MACF1: variants seen among roughly 807,000 people sequenced by gnomAD.
The protein encoded by MACF1 is microtubule actin crosslinking factor 1.
Under a neutral mutation model 854.8 loss-of-function variants are expected in MACF1, and 193 were observed. The ratio of observed to expected loss-of-function variants is 0.23; its 90% CI spans 0.20 to 0.25. The LOEUF (loss-of-function observed/expected upper bound fraction) is 0.25, where lower values mean the gene tolerates loss of function less well. Among genes scored for constraint, MACF1 ranks in the 10% least tolerant of loss-of-function variants. The pLI is 1.00. For synonymous variants in MACF1, 3,185 were observed against 3,226.7 expected, an observed-to-expected ratio of 0.99 and a Z score of 0.44; for missense variants, 7,722 against 8,929.1, an observed-to-expected ratio of 0.86 and a Z score of 5.45.
intron 97 of MACF1, among the ~76,000 whole-genome samples, chr1:39,477,077 A>ATACACTTAGTG (rs1557675035): frequency 0.099 from 1,879 of 19,030 alleles, 147 homozygotes; most frequent in East Asian, 0.26. Context: ...ATATATATAT[A>ATACACTTAGTG]TATATATATA....
rs747273210 is a variant in MACF1, at chr1:39,334,245, G to C, written c.7657G>C (p.Glu2553Gln). The C allele has an allele frequency of 6.2e-7, 1 of 1,613,940 alleles. No homozygotes were observed. The highest frequency in any genetic ancestry group is 2.2e-5 in the East Asian group (1 of 44,872). ...TCAGATTTTTAATCCTGAAACGAAG[G>C]AAAATATTTCCCTCCCTAAAGCCAT... ...IHQIFNPETK[E>Q]NISLPKAIKL... Residue 2553 changes from glutamate to glutamine, a missense_variant, in exon 37 of 101, where the codon GAA (glutamate) becomes CAA (glutamine). This residue lies in a region of MACF1 where 1,531 missense variants were observed against 1,601.6 expected (regional missense o/e 0.96). Transcript: ENST00000564288.
chr1:39,103,201 T>G (rs1271041512), intron 2 of MACF1: 1 of 364,430 alleles, frequency 2.7e-6, no homozygotes, highest in African/African-American at 2.1e-5. Context: ...CTTCTCTGAT[T>G]CTCACAGCGG....
intron 58 of MACF1, chr1:39,411,357 A>C (rs776620710): frequency 7.4e-6 from 12 of 1,614,052 alleles, no homozygotes; most frequent in African/African-American, 1.3e-5. Context: ...TTGAAGAAAG[A>C]GAACAAGCAA....
chr1:39,418,159 G>T (rs184271992), intron 58 of MACF1, among the ~76,000 whole-genome samples: 2 of 152,296 alleles, frequency 1.3e-5, no homozygotes, highest in African/African-American at 4.8e-5. Context: ...TTGGGGCTGA[G>T]GGAGTTATCA....
upstream of MACF1, among the ~76,000 whole-genome samples, chr1:39,199,710 C>T (rs1174021707): frequency 1.3e-5 from 2 of 152,178 alleles, no homozygotes; most frequent in Admixed American, 1.3e-4. Context: ...CCATCTTCTT[C>T]GACCATCACA....
chr1:39,301,457 G>A (rs948803706), intron 22 of MACF1, among the ~76,000 whole-genome samples: 1 of 149,772 alleles, frequency 6.7e-6, no homozygotes, highest in Non-Finnish European at 1.5e-5. Flanking sequence ...ACGGAGTCTC[G>A]CTCTGTGGCC....
intron 49 of MACF1, among the ~76,000 whole-genome samples, chr1:39,365,340 G>A (rs1285668403): frequency 6.6e-6 from 1 of 151,912 alleles, no homozygotes; most frequent in Non-Finnish European, 1.5e-5. Context: ...CCTCCCAAAG[G>A]CCTGGGATTA....
chr1:39,138,721 A>G (rs1198133841), intron 2 of MACF1, among the ~76,000 whole-genome samples: 7 of 151,004 alleles, frequency 4.6e-5, no homozygotes, highest in Admixed American at 4.6e-4. Context: ...CTGTAGTGCA[A>G]TGGCGCAATC....
At chr1:39,408,924 C>CGGCCCCGCCCCCGCCG (rs1207035246) in intron 58 of MACF1, among the ~76,000 whole-genome samples, 5 of 151,820 alleles carry the variant, frequency 3.3e-5, no homozygotes, top group East Asian at 3.9e-4. Flanking sequence ...CTCCTCTCCC[C>CGGCCCCGCCCCCGCCG]GGCCCCGCCC....
Position 39,424,170 on chromosome 1 carries a change from A to C in MACF1, c.16292A>C (p.Glu5431Ala). The C allele has an allele frequency of 1.9e-6, 3 of 1,613,720 alleles. No individual in the cohort carries two copies. Among genetic ancestry groups the C allele is most frequent in the Non-Finnish European group, 2.5e-6 (3 of 1,179,910 alleles). The change falls in exon 61 of 101, where the codon GAA becomes GCA. Residue 5431 changes from glutamate to alanine, a missense_variant. By Grantham distance (107) the Glu-to-Ala change is moderately radical. Around this residue, in one of 15 missense-constraint regions of MACF1, gnomAD observed 2,807 missense variants for 3,235.8 expected, o/e 0.87. Coordinates refer to ENST00000564288, the MANE Select transcript of MACF1 (RefSeq NM_001394062.1). ...QLESLESRWT[E>A]LLSKAAARQK... ...GAGAGTCTTGAAAGTAGATGGACTGAACTACTCAGTAAGGCAGCAGCCAGG... is the reference window on the plus strand; with the variant it reads ...GAGAGTCTTGAAAGTAGATGGACTGCACTACTCAGTAAGGCAGCAGCCAGG...
Position 39,334,974 on chromosome 1 carries a change from G to C in MACF1, c.8386G>C (p.Ala2796Pro), listed in dbSNP as rs1403250451. ...ATTTCTAGGAAAGGATATGTTAATT[G>C]CTTGTAATCAGACTGCTGAAATGAG... ...NEFLGKDMLIACNQTAEMSCN... is the reference protein window; with the variant it reads ...NEFLGKDMLIPCNQTAEMSCN... The change falls in exon 37 of 101, where the codon GCT becomes CCT. Residue 2796 changes from alanine to proline, a missense_variant. By Grantham distance (27) the Ala-to-Pro change is conservative. This residue lies in a region of MACF1 where 1,531 missense variants were observed against 1,601.6 expected (regional missense o/e 0.96). Coordinates refer to ENST00000564288, the MANE Select transcript of MACF1 (RefSeq NM_001394062.1). The C allele has an allele frequency of 6.2e-7, 1 of 1,614,142 alleles. No individual in the cohort carries two copies. Among genetic ancestry groups the C allele is most frequent in the Non-Finnish European group, 8.5e-7 (1 of 1,180,008 alleles).
chr1:39,242,075 G>A (rs1306493463), intron 2 of MACF1, among the ~76,000 whole-genome samples: 1 of 152,132 alleles, frequency 6.6e-6, no homozygotes, highest in Non-Finnish European at 1.5e-5. Flanking sequence ...GAGGCCGGGT[G>A]CAGTGCTCAC....
At chr1:39,412,484 A>G (rs1557639358) in intron 58 of MACF1, 3 of 1,614,034 alleles carry the variant, frequency 1.9e-6, no homozygotes, top group Non-Finnish European at 1.7e-6. Context: ...GCACATTTCC[A>G]CAGAAACTTC....
intron 5 of MACF1, among the ~76,000 whole-genome samples, chr1:39,257,043 A>G (rs1645105142): frequency 6.6e-6 from 1 of 152,228 alleles, no homozygotes; most frequent in Non-Finnish European, 1.5e-5. Context: ...AGCTAATCAT[A>G]TATCATATAA....
Position 39,381,999 on chromosome 1 carries a change from G to C in MACF1, c.13695G>C (p.Arg4565Ser). 6.2e-7 allele frequency: 1 copy of C among 1,614,070 alleles called. No individual in the cohort carries two copies. Among genetic ancestry groups the C allele is most frequent in the East Asian group, 2.2e-5 (1 of 44,886 alleles). ...RATEVTVARQ[R>S]QLEESASHLA... ...CTGAGGTTACTGTGGCTCGGCAAAGGCAGCTAGAGGAATCTGCAAGTCATC... is the reference window on the plus strand; with the variant it reads ...CTGAGGTTACTGTGGCTCGGCAAAGCCAGCTAGAGGAATCTGCAAGTCATC... Residue 4565 changes from arginine (R) to serine (S), a missense_variant, in exon 56 of 101, where the codon AGG becomes AGC. Coordinates refer to ENST00000564288, the MANE Select transcript of MACF1 (RefSeq NM_001394062.1).
chr1:39,142,234 C>T (rs994770690), intron 2 of MACF1, among the ~76,000 whole-genome samples: 3 of 152,184 alleles, frequency 2.0e-5, no homozygotes, highest in Non-Finnish European at 4.4e-5. Flanking sequence ...GTAGCTATTT[C>T]CCAAACTGCC....
At chr1:39,473,820 C>T (rs954274287) in intron 97 of MACF1, among the ~76,000 whole-genome samples, 3 of 152,150 alleles carry the variant, frequency 2.0e-5, no homozygotes, top group East Asian at 1.9e-4. Flanking sequence ...AGATGATGGT[C>T]CCTGCCTGCA....
At position 39,331,172 on chromosome 1, in the gene MACF1, C is replaced by CTTTTTT. The variant is rs71060310; in HGVS notation, c.4615-8_4615-3dup. On this transcript the variant is annotated intron_variant, in intron 36 of 100. Transcript: ENST00000564288. Reference sequence around the variant, plus strand: ...TCAGTTTTCTTTTTCTTCTCTTTTCCTTTTTTTTTTTTTTTTTTTTTTTTT... The same window carrying CTTTTTT: ...TCAGTTTTCTTTTTCTTCTCTTTTCCTTTTTTTTTTTTTTTTTTTTTTTTTTTTTTT... The CTTTTTT allele has an allele frequency of 3.2e-5, 42 of 1,302,914 alleles. 1 individual carries two copies. In the African/African-American group the frequency reaches 4.7e-4, roughly 15 times the overall value. The allele number at this position is 1,302,914 out of a possible 1,614,324, so 80.7% of individuals were successfully genotyped here.
chr1:39,084,865 C>G lies in MACF1; in HGVS notation c.220+427C>G, dbSNP rs779915100. 5.3e-5 allele frequency among the ~76,000 whole-genome samples: 8 copies of G among 151,782 alleles called. No homozygotes were observed. Among genetic ancestry groups the G allele is most frequent in the Admixed American group, 2.0e-4 (3 of 15,250 alleles). On this transcript the variant is annotated intron_variant, in intron 2 of 93. Coordinates refer to the MACF1 transcript ENST00000361689. This position sits in a 1 kb window ranked among gnomAD's most constrained non-coding sequence, Gnocchi z 5.2. ...GACTTTCTAAATCCTACTCTTTTTT[C>G]ACTTTTTGGCTATATTAGACAATGC... is the stretch of plus-strand genomic sequence containing the variant.
Sources: gnomAD v4.1 joint callset for allele counts (sites outside exome capture counted in the v4.1 genomes callset) on GRCh38, gnomAD v4.1.1 for gene constraint, gnomAD v4.1.1 regional missense constraint, Gnocchi (gnomAD v3.1) non-coding constraint, MANE v1.5 for transcripts, NCBI Gene and HGNC (gene_info 2026-07-23, HGNC 2026-07-21) for gene names.